FHIP1A: variants seen among roughly 807,000 people sequenced by gnomAD.
The protein encoded by FHIP1A is FHF complex subunit HOOK-interacting protein 1A.
Under a neutral mutation model 88.6 loss-of-function variants are expected in FHIP1A, and 61 were observed. The ratio of observed to expected loss-of-function variants is 0.69; its 90% CI spans 0.56 to 0.85. The LOEUF is 0.85. Ranked by LOEUF, FHIP1A falls within the 40% of genes least tolerant of loss-of-function variation. The pLI is 0.00. For missense variants in FHIP1A, 1,154 were observed against 1,273.5 expected (o/e 0.91, Z 1.43); for synonymous variants, 478 against 496.0 (o/e 0.96, Z 0.48).
intron 2 of FHIP1A, among the ~76,000 whole-genome samples, chr4:151,481,850 G>A (rs189560751): frequency 3.9e-5 from 6 of 152,070 alleles, no homozygotes; most frequent in Non-Finnish European, 1.5e-5. Flanking sequence ...ACACCTCTAC[G>A]TTTTGTTCTC....
At chr4:151,565,421 A>G (rs1368946800) in intron 3 of FHIP1A, among the ~76,000 whole-genome samples, 1 of 152,138 alleles carries the variant, frequency 6.6e-6, no homozygotes, top group Non-Finnish European at 1.5e-5. Flanking sequence ...ACTCACACCT[A>G]ATAAACACTA....
At chr4:151,442,572 C>T (rs1430115616) in intron 1 of FHIP1A, among the ~76,000 whole-genome samples, 4 of 152,098 alleles carry the variant, frequency 2.6e-5, no homozygotes, top group African/African-American at 4.8e-5. Flanking sequence ...TGGTTTTAGG[C>T]CCGTATTAGA....
At chr4:151,635,649 G>A (rs1278622347) in intron 8 of FHIP1A, among the ~76,000 whole-genome samples, 1 of 151,856 alleles carries the variant, frequency 6.6e-6, no homozygotes, top group East Asian at 1.9e-4. Context: ...CAAACTGTAG[G>A]ATTCCACTCA....
chr4:151,667,391 C>T lies in FHIP1A; in HGVS notation c.*4637C>T, dbSNP rs139554150. 70 of 152,268 alleles carry T rather than the reference C, an allele frequency of 4.6e-4. 1 individual carries two copies. The highest frequency in any genetic ancestry group is 1.6e-3 in the African/African-American group (68 of 41,538). The allele number at this position is 152,268 out of a possible 1,614,324, so 9.4% of individuals were successfully genotyped here. On this transcript the variant is annotated 3_prime_UTR_variant, in exon 14 of 14. Transcript: ENST00000435205. ...GTAAGAGAATGCAGTTGACTCTTTCCCCCCCTTCTTTTTGAATGAACCTCG... is the reference window on the plus strand; with the variant it reads ...GTAAGAGAATGCAGTTGACTCTTTCTCCCCCTTCTTTTTGAATGAACCTCG...
chr4:151,634,175 C>T (rs913032767), intron 8 of FHIP1A, among the ~76,000 whole-genome samples: 13 of 151,538 alleles, frequency 8.6e-5, no homozygotes, highest in African/African-American at 2.4e-4. Context: ...ATAATAGCAT[C>T]AAAAAGAATA....
chr4:151,415,746 A>G (rs1180868006), intron 1 of FHIP1A, among the ~76,000 whole-genome samples: 2 of 152,230 alleles, frequency 1.3e-5, no homozygotes, highest in Non-Finnish European at 2.9e-5. Context: ...AATTATTAAT[A>G]GATGACCAGC....
rs369369452 is a variant in FHIP1A, at chr4:151,650,340, G to T, written c.2299G>T (p.Glu767Ter). 1 of 1,551,716 alleles carries T rather than the reference G, an allele frequency of 6.4e-7. No individual in the cohort carries two copies. Residue 767 changes from glutamate (E) to a stop codon, truncating the protein, a stop_gained, in exon 11 of 14, where the codon GAG becomes TAG. Coordinates refer to ENST00000435205, the MANE Select transcript of FHIP1A (RefSeq NM_001109977.3). LOFTEE classifies it high-confidence loss of function. ...QIIKELDSGAEGLMEQNYPTP... is the reference protein window; with the variant it reads ...QIIKELDSGA ...CATTAAAGAGCTGGATTCCGGCGCC[G>T]AGGGCTTGATGGAACAGAATTACCC...
At chr4:151,638,499 T>C (rs1736448446) in intron 8 of FHIP1A, among the ~76,000 whole-genome samples, 178 bp from the exon 9 acceptor site, 2 of 151,734 alleles carry the variant, frequency 1.3e-5, no homozygotes, top group South Asian at 4.2e-4. Flanking sequence ...AATCAAATCC[T>C]ATAGGAGAAT....
chr4:151,616,876 T>G (rs1189313770), intron 7 of FHIP1A, among the ~76,000 whole-genome samples: 2 of 152,092 alleles, frequency 1.3e-5, no homozygotes, highest in African/African-American at 4.8e-5. Context: ...GCCTCCCTAG[T>G]AGCTGGAACT....
intron 1 of FHIP1A, among the ~76,000 whole-genome samples, chr4:151,453,886 A>G (rs1728880514): frequency 6.6e-6 from 1 of 152,178 alleles, no homozygotes; most frequent in Non-Finnish European, 1.5e-5. Context: ...AAAAACAAAA[A>G]CAAAAACAAA....
intron 1 of FHIP1A, among the ~76,000 whole-genome samples, chr4:151,447,565 T>C (rs1312357525): frequency 6.6e-6 from 1 of 152,190 alleles, no homozygotes; most frequent in African/African-American, 2.4e-5. Context: ...ATTTATATTG[T>C]TTATTTTTAA....
chr4:151,492,745 A>G (rs2126649719), intron 3 of FHIP1A, among the ~76,000 whole-genome samples: 1 of 152,362 alleles, frequency 6.6e-6, no homozygotes, highest in East Asian at 1.9e-4. Context: ...CTTTGGGTCA[A>G]CAATGAAATC....
chr4:151,426,664 A>G (rs182809669), intron 1 of FHIP1A, among the ~76,000 whole-genome samples: 2 of 152,296 alleles, frequency 1.3e-5, no homozygotes, highest in African/African-American at 2.4e-5. Context: ...CAGTTTTATT[A>G]TAGGGAGGTC....
intron 1 of FHIP1A, among the ~76,000 whole-genome samples, chr4:151,424,112 G>C (rs1253821547): frequency 6.6e-6 from 1 of 151,944 alleles, no homozygotes; most frequent in Admixed American, 6.6e-5. Context: ...CACATTTTGG[G>C]GTGTGGCTGC....
intron 4 of FHIP1A, among the ~76,000 whole-genome samples, chr4:151,575,960 A>C (rs1733773616): frequency 6.6e-6 from 1 of 152,216 alleles, no homozygotes; most frequent in Non-Finnish European, 1.5e-5. Context: ...GATTCCATGC[A>C]ATTCAGAAAG....
chr4:151,656,740 A>G lies in FHIP1A; in HGVS notation c.2731-20A>G, dbSNP rs1485745068. ...AATTTCATGGTGAGGCATTAACATC[A>G]GTAATGCTGTTTTTGACAGGTCCTT... On this transcript the variant is annotated intron_variant, in intron 12 of 13. Coordinates refer to ENST00000435205, the MANE Select transcript of FHIP1A (RefSeq NM_001109977.3). The surrounding 1 kb of genome is among the most constrained non-coding windows in gnomAD (Gnocchi z 4.2). 2 of 1,545,758 alleles carry G rather than the reference A, an allele frequency of 1.3e-6. No homozygotes were observed. Among genetic ancestry groups the G allele is most frequent in the African/African-American group, 1.4e-5 (1 of 72,884 alleles).
At position 151,664,386 on chromosome 4, in the gene FHIP1A, G is replaced by A. The variant is rs1737587864; in HGVS notation, c.*1632G>A. 6.6e-6 allele frequency among the ~76,000 whole-genome samples: 1 copy of A among 152,264 alleles called. No individual in the cohort carries two copies. Among genetic ancestry groups the A allele is most frequent in the African/African-American group, 2.4e-5 (1 of 41,480 alleles). ...CTTTGTATTGAGTGAATGAGAAATT[G>A]AGAGCTGGCCTGTGAAATGACAACA... is the stretch of plus-strand genomic sequence containing the variant. On this transcript the variant is annotated 3_prime_UTR_variant, in exon 14 of 14. Transcript: ENST00000435205.
intron 3 of FHIP1A, among the ~76,000 whole-genome samples, chr4:151,484,429 A>C (rs1730005558): frequency 6.6e-6 from 1 of 152,208 alleles, no homozygotes; most frequent in African/African-American, 2.4e-5. Flanking sequence ...GAAGAGTACA[A>C]AAACAAATAT....
chr4:151,565,382 A>AT (rs1474741291), intron 3 of FHIP1A, among the ~76,000 whole-genome samples: 2 of 151,602 alleles, frequency 1.3e-5, no homozygotes, highest in African/African-American at 2.4e-5. Context: ...TCCATGTTTC[A>AT]TTTTTCATTT....
Sources: gnomAD v4.1 joint callset for allele counts (sites outside exome capture counted in the v4.1 genomes callset) on GRCh38, gnomAD v4.1.1 for gene constraint, Gnocchi (gnomAD v3.1) non-coding constraint, MANE v1.5 for transcripts, NCBI Gene and HGNC (gene_info 2026-07-23, HGNC 2026-07-21) for gene names.